KDM4C: variants seen among roughly 807,000 people sequenced by gnomAD.
KDM4C encodes lysine-specific demethylase 4C.
In KDM4C, 81 loss-of-function variants were observed where a neutral mutation model predicts 129.3. The observed-to-expected ratio is 0.63, with a 90% CI of 0.52 to 0.75. The LOEUF (loss-of-function observed/expected upper bound fraction) is 0.75. KDM4C is among the 30% of genes least tolerant of loss of function. The probability of loss-of-function intolerance (pLI) is 0.00; values close to 1 mark genes in which losing one functional copy is unlikely to be tolerated. For missense variants in KDM4C, 1,457 were observed against 1,304.0 expected, an observed-to-expected ratio of 1.12 and a Z score of -1.81; for synonymous variants, 573 against 456.1, an observed-to-expected ratio of 1.26 and a Z score of -3.26.
At chr9:6,801,148 T>C (rs1322036337) in intron 2 of KDM4C, among the ~76,000 whole-genome samples, 1 of 151,992 alleles carries the variant, frequency 6.6e-6, no homozygotes, top group East Asian at 1.9e-4. Context: ...AGTTTCAGAG[T>C]TATAGGTACA....
chr9:6,772,443 C>T (rs1375305017), intron 1 of KDM4C, among the ~76,000 whole-genome samples: 2 of 151,964 alleles, frequency 1.3e-5, no homozygotes, highest in African/African-American at 4.8e-5. Context: ...CTCACCGCAA[C>T]CTCCGCCTCC....
intron 3 of KDM4C, among the ~76,000 whole-genome samples, chr9:6,811,576 CTAA>C (rs1831155359): frequency 6.6e-6 from 1 of 152,156 alleles, no homozygotes. Context: ...CGATATAACT[CTAA>C]TATAAAAATT....
intron 17 of KDM4C, among the ~76,000 whole-genome samples, chr9:7,090,204 CAG>C (rs1394990216): frequency 6.6e-6 from 1 of 152,224 alleles, no homozygotes; most frequent in African/African-American, 2.4e-5. Flanking sequence ...ACTTGACAAG[CAG>C]ATTCTTTCTC....
intron 5 of KDM4C, among the ~76,000 whole-genome samples, chr9:6,876,792 C>A (rs973209976): frequency 6.6e-6 from 1 of 152,060 alleles, no homozygotes; most frequent in Non-Finnish European, 1.5e-5. Flanking sequence ...AGCCTACACA[C>A]ATAGACTGCA....
At chr9:7,120,564 T>C (rs1175958581) in intron 18 of KDM4C, among the ~76,000 whole-genome samples, 1 of 152,208 alleles carries the variant, frequency 6.6e-6, no homozygotes, top group Non-Finnish European at 1.5e-5. Context: ...TTTTTCTTAA[T>C]ACAGCCCCAA....
At chr9:6,824,456 G>A (rs556617746) in intron 4 of KDM4C, among the ~76,000 whole-genome samples, 3 of 152,112 alleles carry the variant, frequency 2.0e-5, no homozygotes. Flanking sequence ...TCCCCAGTGT[G>A]CATTTTTCTG....
intron 15 of KDM4C, among the ~76,000 whole-genome samples, chr9:7,037,865 C>T (rs1827920742): frequency 6.6e-6 from 1 of 152,064 alleles, no homozygotes; most frequent in Admixed American, 6.6e-5. Context: ...TTTTGGGGAA[C>T]ATTGGCTGAC....
At chr9:6,983,938 T>C (rs1357097815) in intron 9 of KDM4C, among the ~76,000 whole-genome samples, 1 of 152,220 alleles carries the variant, frequency 6.6e-6, no homozygotes, top group African/African-American at 2.4e-5. Flanking sequence ...TGTTTAATAA[T>C]TATTTACAGT....
At chr9:7,101,847 G>T (rs1480476247) in intron 17 of KDM4C, among the ~76,000 whole-genome samples, 3 of 152,072 alleles carry the variant, frequency 2.0e-5, no homozygotes, top group African/African-American at 7.2e-5. Context: ...TTCAAACACT[G>T]ACCTCTATGT....
At chr9:6,861,284 A>G (rs1057402398) in intron 5 of KDM4C, among the ~76,000 whole-genome samples, 1 of 152,226 alleles carries the variant, frequency 6.6e-6, no homozygotes, top group Non-Finnish European at 1.5e-5. Flanking sequence ...TCCTGAGAGC[A>G]GTGGTACATG....
chr9:6,824,754 A>G (rs1186394720), intron 4 of KDM4C, among the ~76,000 whole-genome samples: 1 of 152,200 alleles, frequency 6.6e-6, no homozygotes, highest in East Asian at 1.9e-4. Context: ...AGAGGAGCAG[A>G]CAGAAAAAGA....
chr9:7,070,935 G>T (rs1204747172), intron 17 of KDM4C, among the ~76,000 whole-genome samples: 2 of 151,996 alleles, frequency 1.3e-5, no homozygotes, highest in Non-Finnish European at 2.9e-5. Flanking sequence ...AGTCCCAAAG[G>T]TTTACAAAAA....
chr9:6,788,729 C>T (rs1255266992), intron 1 of KDM4C, among the ~76,000 whole-genome samples: 2 of 152,116 alleles, frequency 1.3e-5, no homozygotes, highest in African/African-American at 2.4e-5. Flanking sequence ...GCTGATGGCT[C>T]AGTGGGTGGT....
intron 1 of KDM4C, among the ~76,000 whole-genome samples, chr9:6,723,155 C>T (rs938983718): frequency 6.6e-6 from 1 of 152,040 alleles, no homozygotes; most frequent in Admixed American, 6.6e-5. Context: ...GAGTGGATCT[C>T]CTGAGATCAG....
chr9:7,031,117 C>A (rs1826654865), intron 15 of KDM4C, among the ~76,000 whole-genome samples: 1 of 147,084 alleles, frequency 6.8e-6, no homozygotes, highest in South Asian at 2.3e-4. Context: ...TCATTGTGTC[C>A]TTTATTTTAC....
intron 8 of KDM4C, among the ~76,000 whole-genome samples, chr9:6,967,964 G>A (rs1217540371): frequency 2.0e-5 from 3 of 151,944 alleles, no homozygotes; most frequent in Non-Finnish European, 2.9e-5. Flanking sequence ...CATGGGATAC[G>A]AAGATTAATT....
At chr9:6,986,702 A>G (rs773836146) in intron 11 of KDM4C, 36 bp downstream of exon 11, 2 of 1,455,186 alleles carry the variant, frequency 1.4e-6, no homozygotes, top group Admixed American at 2.1e-5. Context: ...CATATTCATT[A>G]TATGGTGAGA....
At chr9:7,076,996 A>G (rs937740348) in intron 17 of KDM4C, 7 of 985,568 alleles carry the variant, frequency 7.1e-6, no homozygotes, top group Non-Finnish European at 8.4e-6. Context: ...AATCCACTCT[A>G]TGTCTGTCAG....
rs137990793 is a variant in KDM4C at position 7,160,655 on chromosome 9, T to C, written c.2782-4583T>C. 5.3e-4 allele frequency among the ~76,000 whole-genome samples: 81 copies of C among 152,246 alleles called. No individual in the cohort carries two copies. The East Asian group carries it at 9.1e-3, about 17-fold the overall frequency. On this transcript the variant is annotated intron_variant, in intron 19 of 21. Coordinates refer to ENST00000381309, the MANE Select transcript of KDM4C (RefSeq NM_015061.6). The stretch of plus-strand genomic sequence containing the variant: ...GACCCTGTTTGCCTGGGGATCACCA[T>C]TGGAGGCAGAACAGCAAATATTGCT...
Sources: allele counts gnomAD v4.1 joint callset (sites outside exome capture counted in the v4.1 genomes callset), GRCh38; gene constraint gnomAD v4.1.1; transcripts MANE v1.5; gene names NCBI Gene and HGNC (gene_info 2026-07-23, HGNC 2026-07-21).